PTCHD1: variants seen among roughly 807,000 people sequenced by gnomAD.
PTCHD1 encodes patched domain-containing protein 1.
A neutral mutation model predicts 34.6 loss-of-function variants in PTCHD1; 3 were observed. That is an observed-to-expected ratio of 0.09 (90% CI 0.04 to 0.22). The LOEUF is 0.22. PTCHD1 is among the 10% of genes least tolerant of loss of function. The pLI is 1.00. For synonymous variants in PTCHD1, 305 were observed against 283.1 expected, an observed-to-expected ratio of 1.08 and a Z score of -0.77; for missense variants, 504 against 685.5, an observed-to-expected ratio of 0.74 and a Z score of 2.96.
intron 1 of PTCHD1, among the ~76,000 whole-genome samples, chrX:23,346,946 C>G (rs1431432338): frequency 8.9e-6 from 1 of 112,159 alleles, no homozygotes; most frequent in Non-Finnish European, 1.9e-5. Context: ...CACTTAACCT[C>G]TCTGGGAGGT....
intron 1 of PTCHD1, among the ~76,000 whole-genome samples, chrX:23,345,942 C>A (rs1921464973): frequency 9.0e-6 from 1 of 111,610 alleles, no homozygotes; most frequent in African/African-American, 3.3e-5. Flanking sequence ...CTGCCTGTCT[C>A]CTGGTGTTGG....
chrX:23,348,379 C>T (rs1286385441), intron 1 of PTCHD1, among the ~76,000 whole-genome samples: 3 of 110,008 alleles, frequency 2.7e-5, no homozygotes, highest in Admixed American at 9.7e-5. Flanking sequence ...AAGCAGAAGA[C>T]GTTTGAAGTA....
intron 1 of PTCHD1, among the ~76,000 whole-genome samples, chrX:23,365,529 C>T (rs1371899269): frequency 9.0e-6 from 1 of 111,093 alleles, no homozygotes; most frequent in African/African-American, 3.3e-5. Context: ...CCTAAAAGGG[C>T]ATATAATTAA....
intron 2 of PTCHD1, among the ~76,000 whole-genome samples, chrX:23,383,659 GTGT>G (rs1261908560): frequency 9.0e-6 from 1 of 111,381 alleles, no homozygotes; most frequent in Non-Finnish European, 1.9e-5. Flanking sequence ...TTTTTAATCA[GTGT>G]TGTGCATACT....
chrX:23,366,421 C>T (rs1029387553), intron 1 of PTCHD1, among the ~76,000 whole-genome samples: 1 of 112,064 alleles, frequency 8.9e-6, no homozygotes, highest in South Asian at 3.7e-4. Flanking sequence ...GCCCCTCTGG[C>T]TTTCCTCTCC....
rs1427262253 is a variant in PTCHD1 at position 23,403,763 on chromosome X, G to A, written c.*9578G>A. 9.0e-6 allele frequency: 1 copy of A among 110,997 alleles called. No individual in the cohort carries two copies. Among genetic ancestry groups the A allele is most frequent in the East Asian group, 2.8e-4 (1 of 3,583 alleles). The allele number at this position is 110,997 out of a possible 1,213,427, so 9.1% of individuals were successfully genotyped here. A position where few individuals can be genotyped will look rare whatever the true frequency, so the allele number is the denominator to read the frequency against. ...GCTGTGTATGCCACCCCAGACCCCT[G>A]CATTTCTTAATATCTATAAAAATAT... On this transcript the variant is annotated 3_prime_UTR_variant, in exon 3 of 3. Transcript: ENST00000379361.
chrX:23,357,931 T>C (rs1040205613), intron 1 of PTCHD1, among the ~76,000 whole-genome samples: 3 of 111,449 alleles, frequency 2.7e-5, no homozygotes, highest in East Asian at 2.8e-4. Flanking sequence ...CTCCTTGTGA[T>C]AGTTTGCTGA....
In PTCHD1 at chrX:23,392,995, G is replaced by A; in HGVS notation, c.1477G>A (p.Asp493Asn). The A allele has an allele frequency of 8.3e-7, 1 of 1,211,208 alleles. No homozygotes were observed. The highest frequency in any genetic ancestry group is 1.8e-5 in the South Asian group (1 of 56,993). The part of the protein sequence containing the change: ...LVCFLKRYYC[D>N]WITNTYVKPF... ...ATGTTTCCTCAAACGCTATTACTGT[G>A]ACTGGATAACCAACACCTATGTCAA... The change falls in exon 3 of 3, where the codon GAC (aspartate) becomes AAC (asparagine). Residue 493 changes from aspartate (D) to asparagine (N), a missense_variant. Coordinates refer to ENST00000379361, the MANE Select transcript of PTCHD1 (RefSeq NM_173495.3).
intron 2 of PTCHD1, among the ~76,000 whole-genome samples, chrX:23,390,369 C>G (rs1922800174): frequency 9.2e-6 from 1 of 108,482 alleles, no homozygotes; most frequent in Non-Finnish European, 1.9e-5. Flanking sequence ...ATTATTTCTT[C>G]AGGGACAGTG....
rs1338862075 is a variant in PTCHD1 at position 23,396,351 on chromosome X, A to G, written c.*2166A>G. ...AGTCCTGACAAAAGGGCAAGTTTGC[A>G]TAATAGATCTTCGATCAATTCTCTC... On this transcript the variant is annotated 3_prime_UTR_variant, in exon 3 of 3. Coordinates refer to ENST00000379361, the MANE Select transcript of PTCHD1 (RefSeq NM_173495.3). The G allele has an allele frequency of 1.8e-5, 2 of 112,444 alleles. No individual in the cohort carries two copies. 9.3% of individuals were successfully genotyped at this position (112,444 alleles called of 1,213,427 possible). A position where few individuals can be genotyped will look rare whatever the true frequency, so the allele number is the denominator to read the frequency against.
chrX:23,388,597 G>A (rs1176696754), intron 2 of PTCHD1, among the ~76,000 whole-genome samples: 7 of 111,330 alleles, frequency 6.3e-5, no homozygotes, highest in Admixed American at 1.9e-4. Flanking sequence ...TTGGGAGGCC[G>A]AGGCAGGCAG....
chrX:23,389,793 C>T (rs1227170116), intron 2 of PTCHD1, among the ~76,000 whole-genome samples: 1 of 111,515 alleles, frequency 9.0e-6, no homozygotes, highest in Non-Finnish European at 1.9e-5. Flanking sequence ...TTGGAGCTGC[C>T]CCCAAACCAA....
At chrX:23,378,267 C>T (rs1922463195) in intron 1 of PTCHD1, among the ~76,000 whole-genome samples, 2 of 111,703 alleles carry the variant, frequency 1.8e-5, no homozygotes, top group African/African-American at 6.5e-5. Flanking sequence ...TGATGAGCCC[C>T]GCCATTCCTC....
chrX:23,342,332 TA>T (rs1258345555), intron 1 of PTCHD1, among the ~76,000 whole-genome samples: 5 of 36,824 alleles, frequency 1.4e-4, no homozygotes, highest in Admixed American at 5.4e-4. Context: ...TTTTTTTTTT[TA>T]AAAGAATTGG....
At chrX:23,390,782 T>A (rs899141328) in intron 2 of PTCHD1, among the ~76,000 whole-genome samples, 4 of 112,190 alleles carry the variant, frequency 3.6e-5, no homozygotes, top group African/African-American at 1.3e-4. Flanking sequence ...AATACTAGCT[T>A]GGGCATGAGG....
At position 23,334,923 on chromosome X, in the gene PTCHD1, G is replaced by T. The variant is rs1241036362; in HGVS notation, c.48G>T (p.Arg16=). Residue 16 remains arginine, a synonymous_variant, in exon 1 of 3, where the codon CGG becomes CGT. Transcript: ENST00000379361. ...LHRGLRTCFS[R]LGHFIASHPV... ...GGGGCTTGAGGACGTGTTTCTCCCGGCTCGGCCACTTCATTGCCAGTCACC... is the reference window on the plus strand; with the variant it reads ...GGGGCTTGAGGACGTGTTTCTCCCGTCTCGGCCACTTCATTGCCAGTCACC... 9.2e-6 allele frequency: 11 copies of T among 1,202,105 alleles called. No individual in the cohort carries two copies. The highest frequency in any genetic ancestry group is 4.4e-5 in the Admixed American group (2 of 45,216).
At chrX:23,334,784 C>T (rs1247267643), upstream of PTCHD1, 1 of 335,255 alleles carries the variant, frequency 3.0e-6, no homozygotes, top group Non-Finnish European at 3.8e-6. Context: ...CCGCGGGCGC[C>T]GCTGCCGCCG....
Position 23,401,323 on chromosome X carries a change from T to C in PTCHD1, c.*7138T>C, listed in dbSNP as rs1427198619. On this transcript the variant is annotated 3_prime_UTR_variant, in exon 3 of 3. Coordinates refer to ENST00000379361, the MANE Select transcript of PTCHD1 (RefSeq NM_173495.3). ...TTTGACAAAACAATTTCCTTAATTTTCTAGGATGAATCTTGAACATGTTTA... is the reference window on the plus strand; with the variant it reads ...TTTGACAAAACAATTTCCTTAATTTCCTAGGATGAATCTTGAACATGTTTA... The C allele has an allele frequency of 8.9e-6, 1 of 112,416 alleles. No homozygotes were observed. Among genetic ancestry groups the C allele is most frequent in the Admixed American group, 9.4e-5 (1 of 10,654 alleles). 9.3% of individuals were successfully genotyped at this position (112,416 alleles called of 1,213,427 possible). A position where few individuals can be genotyped will look rare whatever the true frequency, so the allele number is the denominator to read the frequency against.
chrX:23,362,917 A>C (rs999957702), intron 1 of PTCHD1, among the ~76,000 whole-genome samples: 24 of 112,418 alleles, frequency 2.1e-4, no homozygotes, highest in African/African-American at 7.8e-4. Context: ...AGTTTGCTGG[A>C]GGTCCACTCC....
Sources: allele counts gnomAD v4.1 joint callset (sites outside exome capture counted in the v4.1 genomes callset), GRCh38; gene constraint gnomAD v4.1.1; transcripts MANE v1.5; gene names NCBI Gene and HGNC (gene_info 2026-07-23, HGNC 2026-07-21).